ADCY5: variants seen among roughly 807,000 people sequenced by gnomAD.
ADCY5 encodes adenylate cyclase type 5.
In ADCY5, 30 loss-of-function variants were observed where a neutral mutation model predicts 119.7. The ratio of observed to expected loss-of-function variants is 0.25; its 90% CI spans 0.19 to 0.34. The LOEUF (loss-of-function observed/expected upper bound fraction) is 0.34, where lower values mean the gene tolerates loss of function less well. ADCY5 is among the 10% of genes least tolerant of loss of function. The pLI, the probability that ADCY5 is intolerant of heterozygous loss-of-function variation, is 1.00. For missense variants in ADCY5, 1,324 were observed against 1,775.2 expected (o/e 0.75, Z 4.57); for synonymous variants, 753 against 762.2 (o/e 0.99, Z 0.20).
intron 1 of ADCY5, among the ~76,000 whole-genome samples, chr3:123,442,804 C>T (rs938404443): frequency 3.3e-5 from 5 of 152,146 alleles, no homozygotes; most frequent in African/African-American, 1.2e-4. Flanking sequence ...TCCAAATACC[C>T]ACTCCTAGCT....
intron 1 of ADCY5, among the ~76,000 whole-genome samples, chr3:123,418,490 C>T (rs1002254451): frequency 2.0e-5 from 3 of 152,218 alleles, no homozygotes; most frequent in African/African-American, 7.2e-5. Flanking sequence ...GCTTTTCATG[C>T]TGTGTCACAA....
chr3:123,448,479 G>A lies in ADCY5; in HGVS notation c.67C>T (p.Arg23Trp), dbSNP rs1209746484. 1.4e-5 allele frequency: 18 copies of A among 1,269,344 alleles called. No homozygotes were observed. Among genetic ancestry groups the A allele is most frequent in the Non-Finnish European group, 1.7e-5 (17 of 1,009,256 alleles). 78.6% of individuals were successfully genotyped at this position (1,269,344 alleles called of 1,614,324 possible). Residue 23 changes from arginine to tryptophan, a missense_variant, in exon 1 of 21, where the codon CGG becomes TGG. Coordinates refer to ENST00000462833, the MANE Select transcript of ADCY5 (RefSeq NM_183357.3). Reference sequence around the variant, plus strand: ...GCAGAGCGGTGTTCGGGGCCTCCCCGGGGCGCCGGCGCCGCAGTCTTCTGC... The same window carrying A: ...GCAGAGCGGTGTTCGGGGCCTCCCCAGGGCGCCGGCGCCGCAGTCTTCTGC... Reference protein sequence around the residue: ...AAQKTAAPAPRGGPEHRSAWG... With the variant: ...AAQKTAAPAPWGGPEHRSAWG...
Position 123,283,671 on chromosome 3 carries a change from C to CAT in ADCY5, c.*935_*936dup, listed in dbSNP as rs1327840480. On this transcript the variant is annotated 3_prime_UTR_variant, in exon 21 of 21. Coordinates refer to ENST00000462833, the MANE Select transcript of ADCY5 (RefSeq NM_183357.3). Reference sequence around the variant, plus strand: ...CAGTTCCACAGCATGAACACACACACATATACACCAGTACATACACCGACA... The same window carrying CAT: ...CAGTTCCACAGCATGAACACACACACATATATACACCAGTACATACACCGACA... 1 of 152,202 alleles carries CAT rather than the reference C, an allele frequency of 6.6e-6. No individual in the cohort carries two copies. The highest frequency in any genetic ancestry group is 2.4e-5 in the African/African-American group (1 of 41,446). The allele number at this position is 152,202 out of a possible 1,614,324, so 9.4% of individuals were successfully genotyped here.
At chr3:123,396,785 GGC>G (rs1366670801) in intron 1 of ADCY5, among the ~76,000 whole-genome samples, 1 of 95,542 alleles carries the variant, frequency 1.0e-5, no homozygotes, top group African/African-American at 3.9e-5. Context: ...AAGGAAGGCA[GGC>G]AGGCAGGCAG....
intron 1 of ADCY5, among the ~76,000 whole-genome samples, chr3:123,388,145 G>A (rs1269683836): frequency 5.3e-5 from 8 of 152,224 alleles, no homozygotes; most frequent in Admixed American, 5.2e-4. Context: ...CTGAATTTTG[G>A]AAATGTCGCA....
chr3:123,332,334 A>C (rs1378638604), intron 4 of ADCY5, among the ~76,000 whole-genome samples: 1 of 152,246 alleles, frequency 6.6e-6, no homozygotes, highest in Non-Finnish European at 1.5e-5. Context: ...GCTTGTGGTC[A>C]GCGACAGTGC....
chr3:123,439,763 C>T (rs1352206277), intron 1 of ADCY5, among the ~76,000 whole-genome samples: 4 of 152,196 alleles, frequency 2.6e-5, no homozygotes, highest in Non-Finnish European at 5.9e-5. Context: ...GAGCCACAAC[C>T]CGTCATCTTT....
chr3:123,433,968 C>T lies in ADCY5; in HGVS notation c.1134+13444G>A, dbSNP rs571939639. On this transcript the variant is annotated intron_variant, in intron 1 of 20. Coordinates refer to ENST00000462833, the MANE Select transcript of ADCY5 (RefSeq NM_183357.3). Reference sequence around the variant, plus strand: ...AAACACTTCAGCACAGCACCAATGCCGGCTCAGGAAATGACAACCCATTTA... The same window carrying T: ...AAACACTTCAGCACAGCACCAATGCTGGCTCAGGAAATGACAACCCATTTA... 7.2e-5 allele frequency among the ~76,000 whole-genome samples: 11 copies of T among 152,274 alleles called. No individual in the cohort carries two copies. The South Asian group carries it at 2.3e-3, about 32-fold the overall frequency.
chr3:123,311,937 A>G (rs1358738250), intron 12 of ADCY5, among the ~76,000 whole-genome samples: 2 of 152,178 alleles, frequency 1.3e-5, no homozygotes, highest in African/African-American at 2.4e-5. Flanking sequence ...TGCTCAGTGA[A>G]TTTGGCACTG....
chr3:123,292,829 A>G (rs1038930328), intron 17 of ADCY5, among the ~76,000 whole-genome samples: 5 of 152,282 alleles, frequency 3.3e-5, no homozygotes, highest in Non-Finnish European at 7.4e-5. Context: ...TCCTGCTCCT[A>G]CCTCTGCTGA....
At chr3:123,338,501 C>T (rs1376714835) in intron 3 of ADCY5, among the ~76,000 whole-genome samples, 1 of 152,232 alleles carries the variant, frequency 6.6e-6, no homozygotes, top group Non-Finnish European at 1.5e-5. Context: ...TCCTGATCTG[C>T]CCCGGAGTAA....
intron 1 of ADCY5, among the ~76,000 whole-genome samples, chr3:123,414,747 G>A (rs956638241): frequency 6.6e-6 from 1 of 152,004 alleles, no homozygotes; most frequent in Non-Finnish European, 1.5e-5. Flanking sequence ...AGTAGAGATG[G>A]GGTTTCACCA....
intron 1 of ADCY5, among the ~76,000 whole-genome samples, chr3:123,363,586 G>C (rs1318207898): frequency 6.6e-6 from 1 of 152,210 alleles, no homozygotes; most frequent in East Asian, 1.9e-4. Context: ...GCAGCTAAAT[G>C]TTGAAAAACT....
At chr3:123,422,024 T>A (rs1013513938) in intron 1 of ADCY5, among the ~76,000 whole-genome samples, 1 of 152,136 alleles carries the variant, frequency 6.6e-6, no homozygotes, top group Non-Finnish European at 1.5e-5. Context: ...TTACCCGGTG[T>A]TTCTCCCCTG....
chr3:123,347,606 T>A (rs151295550), intron 3 of ADCY5, among the ~76,000 whole-genome samples, 176 bp downstream of exon 3: 1 of 152,182 alleles, frequency 6.6e-6, no homozygotes, highest in Non-Finnish European at 1.5e-5. Context: ...TGGGACACCA[T>A]GATAATTCAC....
chr3:123,314,146 C>T, intron 12 of ADCY5, 89 bp downstream of exon 12: 1 of 1,027,132 alleles, frequency 9.7e-7, no homozygotes. Flanking sequence ...TACTCGGGCC[C>T]CTTCACATTT....
chr3:123,341,984 G>A (rs1942306779), intron 3 of ADCY5, among the ~76,000 whole-genome samples: 1 of 152,108 alleles, frequency 6.6e-6, no homozygotes, highest in Non-Finnish European at 1.5e-5. Context: ...AGTAGCAGCA[G>A]CAAGATCTTG....
intron 1 of ADCY5, among the ~76,000 whole-genome samples, chr3:123,401,595 A>T (rs1944756073): frequency 6.6e-6 from 1 of 152,168 alleles, no homozygotes; most frequent in Non-Finnish European, 1.5e-5. Flanking sequence ...CCTACATAAG[A>T]TTTTGTTGGA....
At chr3:123,376,781 A>G (rs936845) in intron 1 of ADCY5, among the ~76,000 whole-genome samples, 151,278 of 152,314 alleles carry the variant, frequency 0.99, 75,140 homozygotes, top group South Asian at 1. Context: ...GGAAACCAGG[A>G]CGAGCCCTCA....
Sources: gnomAD v4.1 joint callset for allele counts (sites outside exome capture counted in the v4.1 genomes callset) on GRCh38, gnomAD v4.1.1 for gene constraint, MANE v1.5 for transcripts, NCBI Gene and HGNC (gene_info 2026-07-23, HGNC 2026-07-21) for gene names.